WNT3: variants seen among roughly 807,000 people sequenced by gnomAD.
The protein encoded by WNT3 is proto-oncogene Wnt-3.
In WNT3, 7 loss-of-function variants were observed where a neutral mutation model predicts 34.2. The ratio of observed to expected loss-of-function variants is 0.20; its 90% CI spans 0.12 to 0.38. The LOEUF is 0.38. Ranked by LOEUF, WNT3 falls within the 10% of genes least tolerant of loss-of-function variation. The pLI is 1.00. For missense variants in WNT3, 267 were observed against 499.8 expected, an observed-to-expected ratio of 0.53 and a Z score of 4.44; for synonymous variants, 212 against 211.5, an observed-to-expected ratio of 1.00 and a Z score of -0.02.
At chr17:46,795,720 C>T (rs1424145763) in intron 1 of WNT3, among the ~76,000 whole-genome samples, 2 of 152,178 alleles carry the variant, frequency 1.3e-5, no homozygotes, top group Non-Finnish European at 2.9e-5. Flanking sequence ...ACGATTCTGC[C>T]GCTGTGCAGT....
intron 2 of WNT3, among the ~76,000 whole-genome samples, chr17:46,771,499 CGGCGGGGGCGG>C (rs1312519431): frequency 2.7e-5 from 4 of 149,344 alleles, no homozygotes; most frequent in Non-Finnish European, 6.0e-5. Flanking sequence ...AACGCGGGGG[CGGCGGGGGCGG>C]GGCGGGGATT....
chr17:46,789,208 A>G (rs1478443497), intron 1 of WNT3, among the ~76,000 whole-genome samples: 1 of 151,586 alleles, frequency 6.6e-6, no homozygotes, highest in African/African-American at 2.4e-5. Flanking sequence ...CCCAGAGGCC[A>G]CCCTCCCTGC....
At chr17:46,802,531 G>C (rs1446729002) in intron 1 of WNT3, among the ~76,000 whole-genome samples, 1 of 152,184 alleles carries the variant, frequency 6.6e-6, no homozygotes, top group African/African-American at 2.4e-5. Context: ...GCCTCCCAAA[G>C]TGCTGGGATT....
chr17:46,779,275 G>C (rs199515), intron 1 of WNT3, among the ~76,000 whole-genome samples: 127,956 of 152,234 alleles, frequency 0.84, 54,091 homozygotes, highest in East Asian at 1. Context: ...TGGTTCCGCT[G>C]AGGAAGTTCC....
intron 1 of WNT3, among the ~76,000 whole-genome samples, chr17:46,793,997 C>T (rs2084019988): frequency 6.6e-6 from 1 of 152,182 alleles, no homozygotes; most frequent in Non-Finnish European, 1.5e-5. Context: ...GTGTTCTTCA[C>T]TGAACTAGGC....
chr17:46,818,525 T>G lies in WNT3; in HGVS notation c.73A>C (p.Ile25Leu). ...GGTRVLAGYP[I>L]WWSLALGQQY... is the part of the protein sequence containing the mutation. Reference sequence around the variant, plus strand: ...ACAAGAGGCGAGTCTTACCACCAAATTGGGTAGCCAGCGAGGACCCTGGTG... The same window carrying G: ...ACAAGAGGCGAGTCTTACCACCAAAGTGGGTAGCCAGCGAGGACCCTGGTG... Residue 25 changes from isoleucine to leucine, a missense_variant, in exon 1 of 5, where the codon ATT becomes CTT. Coordinates refer to ENST00000225512, the MANE Select transcript of WNT3 (RefSeq NM_030753.5). 6.2e-7 allele frequency: 1 copy of G among 1,607,006 alleles called. No individual in the cohort carries two copies. Among genetic ancestry groups the G allele is most frequent in the South Asian group, 1.1e-5 (1 of 89,576 alleles).
chr17:46,811,648 CCT>C (rs2084277206), intron 1 of WNT3, among the ~76,000 whole-genome samples: 1 of 152,150 alleles, frequency 6.6e-6, no homozygotes, highest in African/African-American at 2.4e-5. Context: ...CGTGGAGTTG[CCT>C]CTCAGAAGAT....
intron 3 of WNT3, 71 bp downstream of exon 3, chr17:46,769,712 G>A: frequency 6.3e-7 from 1 of 1,585,678 alleles, no homozygotes; most frequent in Admixed American, 1.7e-5. Context: ...GTGAGGTGGG[G>A]GCCAGGGCAG....
intron 2 of WNT3, among the ~76,000 whole-genome samples, chr17:46,773,221 G>C (rs1483228757): frequency 6.6e-6 from 1 of 152,128 alleles, no homozygotes; most frequent in Non-Finnish European, 1.5e-5. Context: ...CAGAAACCTA[G>C]AGGGGCTCTT....
At chr17:46,796,015 C>T (rs2084049368) in intron 1 of WNT3, among the ~76,000 whole-genome samples, 1 of 152,054 alleles carries the variant, frequency 6.6e-6, no homozygotes, top group African/African-American at 2.4e-5. Context: ...AGGTTGTCGG[C>T]AGGGTAATTA....
At chr17:46,778,993 G>T (rs2059434451) in intron 1 of WNT3, among the ~76,000 whole-genome samples, 1 of 148,192 alleles carries the variant, frequency 6.7e-6, no homozygotes. Context: ...GCCAGTCTCA[G>T]TCTCCAAGAA....
intron 4 of WNT3, among the ~76,000 whole-genome samples, chr17:46,767,766 G>C (rs2059326353): frequency 6.6e-6 from 1 of 151,920 alleles, no homozygotes; most frequent in Admixed American, 6.6e-5. Flanking sequence ...TGCACACACT[G>C]AATTTTGTTT....
intron 1 of WNT3, among the ~76,000 whole-genome samples, chr17:46,814,339 TGTTTTCTTCTTTTTAA>T (rs1490221955): frequency 1.7e-4 from 26 of 152,238 alleles, no homozygotes; most frequent in Non-Finnish European, 3.2e-4. Context: ...ACGTTTGACC[TGTTTTCTTCTTTTTAA>T]GCAAAATGTG....
At chr17:46,803,044 T>C (rs971011688) in intron 1 of WNT3, among the ~76,000 whole-genome samples, 25 of 152,108 alleles carry the variant, frequency 1.6e-4, no homozygotes, top group African/African-American at 5.8e-4. Flanking sequence ...CCTCAACCTA[T>C]GGGATCAGAT....
chr17:46,801,893 C>A (rs2084130249), intron 1 of WNT3, among the ~76,000 whole-genome samples: 1 of 152,140 alleles, frequency 6.6e-6, no homozygotes, highest in East Asian at 1.9e-4. Context: ...GAACTGTTTC[C>A]CCGCCAAGCC....
intron 1 of WNT3, among the ~76,000 whole-genome samples, chr17:46,806,478 G>A (rs891892232): frequency 2.6e-5 from 4 of 152,134 alleles, no homozygotes; most frequent in Non-Finnish European, 5.9e-5. Flanking sequence ...CAAAGTGCCG[G>A]GGTTACAGGC....
chr17:46,782,579 C>T (rs1441629686), intron 1 of WNT3, among the ~76,000 whole-genome samples: 1 of 152,242 alleles, frequency 6.6e-6, no homozygotes, highest in Non-Finnish European at 1.5e-5. Context: ...TCTACCTTTC[C>T]ACTTAGGTCA....
intron 1 of WNT3, among the ~76,000 whole-genome samples, chr17:46,801,038 A>G (rs2084118484): frequency 6.6e-6 from 1 of 152,226 alleles, no homozygotes; most frequent in African/African-American, 2.4e-5. Flanking sequence ...CTCACTGAGT[A>G]CACACCTGAC....
In WNT3 at chr17:46,818,648, C is replaced by T; in HGVS notation, c.-51G>A. ...TGCCCGCGACCATGAAGAGGGGGAG[C>T]GACGCCCCCAATAGTTGGAACAAAG... On this transcript the variant is annotated 5_prime_UTR_variant, in exon 1 of 5. Transcript: ENST00000225512. 1.3e-6 allele frequency: 2 copies of T among 1,488,738 alleles called. No homozygotes were observed. The highest frequency in any genetic ancestry group is 1.8e-6 in the Non-Finnish European group (2 of 1,086,840). The allele number at this position is 1,488,738 out of a possible 1,614,324, so 92.2% of individuals were successfully genotyped here.
Sources: gnomAD v4.1 joint callset for allele counts (sites outside exome capture counted in the v4.1 genomes callset) on GRCh38, gnomAD v4.1.1 for gene constraint, MANE v1.5 for transcripts, NCBI Gene and HGNC (gene_info 2026-07-23, HGNC 2026-07-21) for gene names.